CSNK1G1: variants seen among roughly 807,000 people sequenced by gnomAD.
CSNK1G1 encodes the protein casein kinase 1 gamma 1.
CSNK1G1 carries 22 observed loss-of-function variants against 59.6 expected under a neutral mutation model. The ratio of observed to expected loss-of-function variants is 0.37; its 90% CI spans 0.26 to 0.53. The LOEUF (loss-of-function observed/expected upper bound fraction) is 0.53. Among genes scored for constraint, CSNK1G1 ranks in the 20% least tolerant of loss-of-function variants. The pLI, the probability that CSNK1G1 is intolerant of heterozygous loss-of-function variation, is 0.89. For synonymous variants in CSNK1G1, 179 were observed against 177.1 expected, an observed-to-expected ratio of 1.01 and a Z score of -0.08; for missense variants, 384 against 519.5, an observed-to-expected ratio of 0.74 and a Z score of 2.54.
At chr15:64,302,843 T>G (rs1895436189) in intron 1 of CSNK1G1, among the ~76,000 whole-genome samples, 1 of 152,222 alleles carries the variant, frequency 6.6e-6, no homozygotes, top group South Asian at 2.1e-4. Flanking sequence ...TAGCCTCATT[T>G]ATAAAGATTT....
intron 1 of CSNK1G1, among the ~76,000 whole-genome samples, chr15:64,346,166 C>T (rs1311394138): frequency 6.6e-6 from 1 of 151,772 alleles, no homozygotes; most frequent in Non-Finnish European, 1.5e-5. Flanking sequence ...CAAAGGTGGG[C>T]AGATCAGGAA....
intron 1 of CSNK1G1, among the ~76,000 whole-genome samples, chr15:64,350,944 T>C (rs1898252616): frequency 6.6e-6 from 1 of 152,094 alleles, no homozygotes; most frequent in African/African-American, 2.4e-5. Context: ...TCAGAGCTTC[T>C]ATATTGGGCA....
chr15:64,238,494 T>TAAAAAAAAA (rs1169739046), intron 4 of CSNK1G1, among the ~76,000 whole-genome samples: 1 of 56,434 alleles, frequency 1.8e-5, no homozygotes, highest in African/African-American at 1.0e-4. Context: ...CCCTGTCCCT[T>TAAAAAAAAA]AAAAAAAAAA....
chr15:64,187,606 T>A (rs1388823660), intron 10 of CSNK1G1, among the ~76,000 whole-genome samples: 2 of 152,182 alleles, frequency 1.3e-5, no homozygotes, highest in African/African-American at 2.4e-5. Context: ...TAACAGCATA[T>A]CCTAGATGAT....
intron 1 of CSNK1G1, among the ~76,000 whole-genome samples, chr15:64,313,311 T>A (rs1896091408): frequency 1.3e-5 from 2 of 152,222 alleles, no homozygotes; most frequent in South Asian, 4.1e-4. Flanking sequence ...GTATGTTTAT[T>A]GTGGCACTAT....
intron 2 of CSNK1G1, among the ~76,000 whole-genome samples, chr15:64,272,465 C>T (rs1447317522): frequency 6.6e-6 from 1 of 152,090 alleles, no homozygotes; most frequent in Non-Finnish European, 1.5e-5. Flanking sequence ...GATCCGCCCA[C>T]CTCGGCCTCC....
At chr15:64,322,999 T>C (rs941319292) in intron 1 of CSNK1G1, among the ~76,000 whole-genome samples, 5 of 151,368 alleles carry the variant, frequency 3.3e-5, no homozygotes, top group East Asian at 2.0e-4. Flanking sequence ...ATCATCTCAC[T>C]GTAGCTTCAA....
intron 1 of CSNK1G1, among the ~76,000 whole-genome samples, chr15:64,345,462 C>G (rs1897903351): frequency 6.6e-6 from 1 of 152,210 alleles, no homozygotes; most frequent in Admixed American, 6.5e-5. Context: ...ACCCAAGTGA[C>G]AAAGGCTCTT....
At chr15:64,207,420 C>A (rs1296331608) in intron 7 of CSNK1G1, 89 bp downstream of exon 7, 15 of 961,648 alleles carry the variant, frequency 1.6e-5, no homozygotes, top group Middle Eastern at 2.1e-4. Flanking sequence ...CAGCCCCCTA[C>A]ACATTTCTTA....
At chr15:64,181,551 AATGT>A in intron 10 of CSNK1G1, 1 of 938,434 alleles carries the variant, frequency 1.1e-6, no homozygotes. Context: ...TATACAAGAA[AATGT>A]ATGAGACTGT....
At position 64,226,669 on chromosome 15, in the gene CSNK1G1, A is replaced by T. The variant is rs1013951598; in HGVS notation, c.293-9956T>A. On this transcript the variant is annotated intron_variant, in intron 4 of 11. Coordinates refer to ENST00000303052, the MANE Select transcript of CSNK1G1 (RefSeq NM_022048.5). ...AGATGGTAAATTCATGAGATTAAAA[A>T]ATCCAGTATTTGACATTTTTCCACC... Among the ~76,000 whole-genome samples the T allele has an allele frequency of 7.9e-5, 12 of 152,246 alleles. No individual in the cohort carries two copies. The South Asian group carries it at 2.5e-3, about 32-fold the overall frequency.
chr15:64,175,212 C>A (rs1181722992), intron 11 of CSNK1G1, among the ~76,000 whole-genome samples: 2 of 152,028 alleles, frequency 1.3e-5, no homozygotes, highest in African/African-American at 4.8e-5. Context: ...TCCACAAAAC[C>A]CAGTTGTTTT....
chr15:64,203,234 C>A, intron 9 of CSNK1G1, 45 bp from the exon 10 acceptor site: 1 of 1,203,176 alleles, frequency 8.3e-7, no homozygotes, highest in South Asian at 1.2e-5. Flanking sequence ...ACAGGTCCAA[C>A]TTGATGCATA....
intron 2 of CSNK1G1, among the ~76,000 whole-genome samples, chr15:64,291,344 TGG>T (rs754172543): frequency 2.0e-5 from 3 of 152,174 alleles, no homozygotes; most frequent in Non-Finnish European, 4.4e-5. Flanking sequence ...CCCAGCACTT[TGG>T]GAGGCTGAAG....
At chr15:64,338,292 T>C (rs546259644) in intron 1 of CSNK1G1, among the ~76,000 whole-genome samples, 1 of 152,324 alleles carries the variant, frequency 6.6e-6, no homozygotes, top group Non-Finnish European at 1.5e-5. Flanking sequence ...TTAATAGCTA[T>C]CTTAATGGAT....
In CSNK1G1 at chr15:64,274,547, G is replaced by A. The variant is rs145062021; in HGVS notation, c.182-15306C>T. Among the ~76,000 whole-genome samples the A allele has an allele frequency of 1.4e-3, 218 of 152,216 alleles. 1 individual carries two copies. Among genetic ancestry groups the A allele is most frequent in the African/African-American group, 5.0e-3 (208 of 41,558 alleles). On this transcript the variant is annotated intron_variant, in intron 2 of 11. Coordinates refer to ENST00000303052, the MANE Select transcript of CSNK1G1 (RefSeq NM_022048.5). Reference sequence around the variant, plus strand: ...GTATCTGTTGCACAAAATCCACAACGCTTCCCAAGCTCACTTCCTGGCTAT... The same window carrying A: ...GTATCTGTTGCACAAAATCCACAACACTTCCCAAGCTCACTTCCTGGCTAT...
At chr15:64,334,052 C>T (rs1897252935) in intron 1 of CSNK1G1, among the ~76,000 whole-genome samples, 1 of 152,172 alleles carries the variant, frequency 6.6e-6, no homozygotes, top group Non-Finnish European at 1.5e-5. Context: ...TGGATTTAAA[C>T]TGCACTTGAG....
At chr15:64,201,731 TG>T (rs2082111380) in intron 10 of CSNK1G1, among the ~76,000 whole-genome samples, 3 of 151,316 alleles carry the variant, frequency 2.0e-5, no homozygotes, top group Admixed American at 6.6e-5. Context: ...TGTGTGTGTG[TG>T]TGTGTGTGTG....
At chr15:64,222,603 C>A (rs1333088930) in intron 4 of CSNK1G1, among the ~76,000 whole-genome samples, 1 of 151,022 alleles carries the variant, frequency 6.6e-6, no homozygotes, top group Non-Finnish European at 1.5e-5. Context: ...TAACGTGTGG[C>A]ACCAATTCAA....
Sources: allele counts gnomAD v4.1 joint callset (sites outside exome capture counted in the v4.1 genomes callset), GRCh38; gene constraint gnomAD v4.1.1; transcripts MANE v1.5; gene names NCBI Gene and HGNC (gene_info 2026-07-23, HGNC 2026-07-21).